Variants in DGKB observed in about 807,000 individuals in gnomAD.
The protein encoded by DGKB is diacylglycerol kinase beta.
In DGKB, 67 loss-of-function variants were observed where a neutral mutation model predicts 114.3. The observed-to-expected ratio is 0.59, with a 90% CI of 0.48 to 0.72. The LOEUF is 0.72. Ranked by LOEUF, DGKB falls within the 30% of genes least tolerant of loss-of-function variation. The probability of loss-of-function intolerance (pLI) is 0.00; values close to 1 mark genes in which losing one functional copy is unlikely to be tolerated. For synonymous variants in DGKB, 398 were observed against 323.1 expected, an observed-to-expected ratio of 1.23 and a Z score of -2.49; for missense variants, 907 against 975.2, an observed-to-expected ratio of 0.93 and a Z score of 0.93.
intron 21 of DGKB, among the ~76,000 whole-genome samples, chr7:14,348,350 A>G (rs1812843945): frequency 6.6e-6 from 1 of 152,106 alleles, no homozygotes; most frequent in African/African-American, 2.4e-5. Flanking sequence ...GTAGTAGTAC[A>G]TGGTATGAAT....
intron 21 of DGKB, among the ~76,000 whole-genome samples, chr7:14,446,747 T>C (rs1830774168): frequency 6.6e-6 from 1 of 152,154 alleles, no homozygotes; most frequent in African/African-American, 2.4e-5. Flanking sequence ...CAGGGACACA[T>C]AGAGGCTCAT....
At chr7:14,556,881 T>C (rs1157782896) in intron 20 of DGKB, among the ~76,000 whole-genome samples, 1 of 152,230 alleles carries the variant, frequency 6.6e-6, no homozygotes. Flanking sequence ...ATCTGCATTC[T>C]GAAATTTTGT....
intron 2 of DGKB, among the ~76,000 whole-genome samples, chr7:14,834,690 T>C (rs762444967): frequency 2.0e-5 from 3 of 152,166 alleles, no homozygotes. Context: ...TGAACTTCTG[T>C]TGTGTTAGCC....
chr7:14,718,666 A>C lies in DGKB; in HGVS notation c.342T>G (p.Gly114=). Residue 114 remains glycine, a synonymous_variant, in exon 6 of 26, where the codon GGT becomes GGG. Coordinates refer to ENST00000402815, the MANE Select transcript of DGKB (RefSeq NM_001350709.2). Reference sequence around the variant, plus strand: ...AAGTAGTCCGGGGAGGGGTGATGGCACCTTTATTCATTCTCAGACCTGGAA... The same window carrying C: ...AAGTAGTCCGGGGAGGGGTGATGGCCCCTTTATTCATTCTCAGACCTGGAA... ...LLSGGLRMNK[G]AITPPRTTSP... 1 of 1,608,808 alleles carries C rather than the reference A, an allele frequency of 6.2e-7. No individual in the cohort carries two copies. The highest frequency in any genetic ancestry group is 8.5e-7 in the Non-Finnish European group (1 of 1,177,892).
chr7:14,297,094 C>G (rs1212617790), intron 23 of DGKB, among the ~76,000 whole-genome samples: 1 of 152,062 alleles, frequency 6.6e-6, no homozygotes, highest in Non-Finnish European at 1.5e-5. Context: ...AGCCCAGGAC[C>G]AGACAGATTC....
Position 14,692,301 on chromosome 7 carries a change from T to C in DGKB, c.711+1774A>G, listed in dbSNP as rs112732694. 7.0e-3 allele frequency among the ~76,000 whole-genome samples: 1,065 copies of C among 152,244 alleles called. 17 individuals are homozygous for C. The highest frequency in any genetic ancestry group is 0.024 in the African/African-American group (1,013 of 41,556). On this transcript the variant is annotated intron_variant, in intron 9 of 25. Coordinates refer to ENST00000402815, the MANE Select transcript of DGKB (RefSeq NM_001350709.2). ...TGATTTACTTGCTCATTCCTGCATC[T>C]TCCCTCCTTCTCTCATCCTAGAATT...
intron 20 of DGKB, among the ~76,000 whole-genome samples, chr7:14,562,277 C>A (rs568132544): frequency 1.3e-5 from 2 of 152,222 alleles, no homozygotes; most frequent in Non-Finnish European, 2.9e-5. Context: ...AAGAAGTTTG[C>A]TACAGGGGTG....
At chr7:14,647,537 C>T (rs1813302215) in intron 13 of DGKB, among the ~76,000 whole-genome samples, 1 of 152,178 alleles carries the variant, frequency 6.6e-6, no homozygotes, top group Admixed American at 6.5e-5. Context: ...CAACAACAAA[C>T]TACAGGCCAA....
rs765355581 is a variant in DGKB, at chr7:14,580,896, G to C, written c.1575C>G (p.Gly525=). ...ATCGCAGGCATCTTGCTAGATCATT[G>C]CCAGTCCCAAGAGGCAGAATCGCAA... ...PPVAILPLGT[G]NDLARCLRWG... The change falls in exon 19 of 26, where the codon GGC becomes GGG. Residue 525 remains glycine (G), a synonymous_variant. Transcript: ENST00000402815. 6.9e-6 allele frequency: 11 copies of C among 1,603,536 alleles called. No homozygotes were observed. The Admixed American group carries it at 8.4e-5, about 12-fold the overall frequency.
intron 1 of DGKB, among the ~76,000 whole-genome samples, chr7:14,868,570 G>A (rs377743401): frequency 3.6e-4 from 55 of 151,770 alleles, no homozygotes; most frequent in African/African-American, 1.1e-3. Flanking sequence ...TCCTAACCTC[G>A]GACTTCACAG....
chr7:14,352,005 A>C (rs1813530519), intron 21 of DGKB, among the ~76,000 whole-genome samples: 1 of 152,168 alleles, frequency 6.6e-6, no homozygotes, highest in Admixed American at 6.5e-5. Flanking sequence ...CGAAGAAGGC[A>C]AACATTTTTC....
At chr7:14,769,765 T>A (rs1006521560) in intron 2 of DGKB, among the ~76,000 whole-genome samples, 13 of 152,044 alleles carry the variant, frequency 8.6e-5, no homozygotes, top group African/African-American at 3.1e-4. Flanking sequence ...TAGTTTCTGG[T>A]GGCTGCTGGA....
In DGKB at chr7:14,170,171, AAGAAAGAAAGAAAG is replaced by A. The variant is rs1157752251; in HGVS notation, c.2304+6654_2304+6667del. Among the ~76,000 whole-genome samples the A allele has an allele frequency of 4.7e-4, 68 of 143,332 alleles. 1 individual carries two copies. Among genetic ancestry groups the A allele is most frequent in the African/African-American group, 1.1e-3 (44 of 39,318 alleles). 94.0% of individuals were successfully genotyped at this position (143,332 alleles called of 152,430 possible). A position where few individuals can be genotyped will look rare whatever the true frequency, so the allele number is the denominator to read the frequency against. ...AAAGAAAGAAAGAAAGAAAGAAAGA[AAGAAAGAAAGAAAG>A]AAAGAAAGAAAGAAAGAAATACATT... On this transcript the variant is annotated intron_variant, in intron 25 of 25. Coordinates refer to ENST00000402815, the MANE Select transcript of DGKB (RefSeq NM_001350709.2).
chr7:14,148,932 C>A lies in DGKB; in HGVS notation c.*199G>T, dbSNP rs941872519. ...ACTTCAGGTAAACTTCTGCTTTCTT[C>A]ATGCAAAGATGCCTATAAAAACTGA... On this transcript the variant is annotated 3_prime_UTR_variant, in exon 26 of 26. Transcript: ENST00000402815. 2 of 583,340 alleles carry A rather than the reference C, an allele frequency of 3.4e-6. No individual in the cohort carries two copies. The highest frequency in any genetic ancestry group is 3.8e-5 in the African/African-American group (2 of 52,230). 36.1% of individuals were successfully genotyped at this position (583,340 alleles called of 1,614,324 possible). A position where few individuals can be genotyped will look rare whatever the true frequency, so the allele number is the denominator to read the frequency against.
At chr7:14,607,292 T>A in intron 17 of DGKB, 142 bp downstream of exon 17, 2 of 565,904 alleles carry the variant, frequency 3.5e-6, no homozygotes, top group Non-Finnish European at 6.4e-6. Context: ...TGCACTCATT[T>A]CTCTTACGTA....
chr7:14,251,919 T>A (rs187797988), intron 23 of DGKB, among the ~76,000 whole-genome samples: 1 of 152,210 alleles, frequency 6.6e-6, no homozygotes, highest in African/African-American at 2.4e-5. Flanking sequence ...CTCTTGTCAC[T>A]TTCACAATTA....
intron 2 of DGKB, among the ~76,000 whole-genome samples, chr7:14,823,938 A>T (rs918417671): frequency 6.6e-6 from 1 of 152,162 alleles, no homozygotes; most frequent in African/African-American, 2.4e-5. Flanking sequence ...TGGATCATTT[A>T]TAAAAGAAAG....
At chr7:14,804,098 T>TGTGTGTG (rs60634406) in intron 2 of DGKB, among the ~76,000 whole-genome samples, 2 of 151,610 alleles carry the variant, frequency 1.3e-5, no homozygotes, top group African/African-American at 4.9e-5. Context: ...TGTGTGTGTG[T>TGTGTGTG]TTAGTAATTT....
intron 23 of DGKB, among the ~76,000 whole-genome samples, chr7:14,289,571 T>C (rs1310043650): frequency 4.6e-5 from 7 of 152,068 alleles, no homozygotes; most frequent in Non-Finnish European, 1.0e-4. Context: ...TCATCAGTGA[T>C]TTGAAAGAAT....
Sources: allele counts gnomAD v4.1 joint callset (sites outside exome capture counted in the v4.1 genomes callset), GRCh38; gene constraint gnomAD v4.1.1; transcripts MANE v1.5; gene names NCBI Gene and HGNC (gene_info 2026-07-23, HGNC 2026-07-21).